The following ANKRD11 variants were observed in gnomAD, a reference collection of about 807,000 sequenced individuals.
ANKRD11 encodes the protein ankyrin repeat domain 11.
In ANKRD11, 17 loss-of-function variants were observed where a neutral mutation model predicts 195.7. That is an observed-to-expected ratio of 0.09 (90% CI 0.06 to 0.13). The LOEUF (loss-of-function observed/expected upper bound fraction) is 0.13. Ranked by LOEUF, ANKRD11 falls within the 10% of genes least tolerant of loss-of-function variation. The pLI, the probability that ANKRD11 is intolerant of heterozygous loss-of-function variation, is 1.00. For missense variants in ANKRD11, 3,735 were observed against 3,566.1 expected, an observed-to-expected ratio of 1.05 and a Z score of -1.21; for synonymous variants, 1,953 against 1,528.1, an observed-to-expected ratio of 1.28 and a Z score of -6.49.
In ANKRD11 at chr16:89,343,702, CA is replaced by C. The variant is rs1224946453; in HGVS notation, c.-59-26625del. 3.3e-5 allele frequency: 5 copies of C among 152,400 alleles called. No homozygotes were observed. The East Asian group carries it at 9.7e-4, about 29-fold the overall frequency. 9.4% of individuals were successfully genotyped at this position (152,400 alleles called of 1,614,324 possible). The stretch of plus-strand genomic sequence containing the variant: ...AATTACCTTCACAGACCACGACTAA[CA>C]GGTTTATTACAGATGAGTCACAGCT... On this transcript the variant is annotated intron_variant, in intron 2 of 12. Coordinates refer to ENST00000301030, the MANE Select transcript of ANKRD11 (RefSeq NM_013275.6).
At chr16:89,469,923 T>C (rs1379160931) in intron 1 of ANKRD11, among the ~76,000 whole-genome samples, 2 of 190 alleles carry the variant, frequency 0.011, no homozygotes, top group Non-Finnish European at 0.019. Flanking sequence ...TTTCTTTTGT[T>C]TTTGACGGAG....
rs2035000424 is a variant in ANKRD11, at chr16:89,290,625, C to A, written c.601G>T (p.Gly201Cys). Residue 201 changes from glycine (G) to cysteine (C), a missense_variant and splice_region_variant, in exon 6 of 13, where the codon GGC (glycine) becomes TGC (cysteine). Physicochemically the swap from Gly to Cys is radical, Grantham distance 159. Transcript: ENST00000301030. ...CCCTTGCCAGGCACAGGGTGCCCAC[C>A]TGCGAAGTCCTTGACGTTGACGTCT... ...GADVNVKDFAGWTALHEACNR... is the reference protein window; with the variant it reads ...GADVNVKDFACWTALHEACNR... The A allele has an allele frequency of 6.2e-7, 1 of 1,612,108 alleles. No individual in the cohort carries two copies. Among genetic ancestry groups the A allele is most frequent in the Admixed American group, 1.7e-5 (1 of 60,004 alleles).
chr16:89,383,597 C>A (rs867633457), intron 2 of ANKRD11, among the ~76,000 whole-genome samples: 20 of 152,326 alleles, frequency 1.3e-4, no homozygotes, highest in African/African-American at 4.8e-4. Context: ...AGCCGAAGAG[C>A]CTCCCATGGT....
chr16:89,398,293 TG>T (rs1345014539), intron 2 of ANKRD11, among the ~76,000 whole-genome samples: 3 of 150,232 alleles, frequency 2.0e-5, no homozygotes, highest in African/African-American at 7.4e-5. Flanking sequence ...CTCAGCACTC[TG>T]GGAGGCTGAC....
chr16:89,432,370 G>A (rs946051089), intron 1 of ANKRD11, among the ~76,000 whole-genome samples: 1 of 151,978 alleles, frequency 6.6e-6, no homozygotes, highest in Non-Finnish European at 1.5e-5. Flanking sequence ...CGCTGTTTGT[G>A]ACCTCAGGAC....
intron 1 of ANKRD11, among the ~76,000 whole-genome samples, chr16:89,469,457 A>C (rs555973669): frequency 6.6e-6 from 1 of 152,080 alleles, no homozygotes; most frequent in East Asian, 2.0e-4. Context: ...TCCTAACCTC[A>C]GGTGATCCAC....
At chr16:89,440,621 G>A (rs938291240) in intron 1 of ANKRD11, among the ~76,000 whole-genome samples, 5 of 152,100 alleles carry the variant, frequency 3.3e-5, no homozygotes, top group African/African-American at 4.8e-5. Flanking sequence ...CTCAAAAGGA[G>A]GGGGAGGAGG....
chr16:89,469,913 TTTC>T (rs557987793), intron 1 of ANKRD11, among the ~76,000 whole-genome samples: 1 of 14,182 alleles, frequency 7.1e-5, no homozygotes, highest in South Asian at 5.0e-3. Flanking sequence ...ACTTTTTCCT[TTTC>T]TTTTGTTTTT....
rs3219947 is a variant in ANKRD11, at chr16:89,426,566, C to CACAA, written c.-144-8199_-144-8198insTTGT. ...ACACACACACACACACACACACACA[C>CACAA]AAATCTGAAATCCTGACCAATGAAG... On this transcript the variant is annotated intron_variant, in intron 1 of 12. Coordinates refer to ENST00000301030, the MANE Select transcript of ANKRD11 (RefSeq NM_013275.6). 8.6e-5 allele frequency among the ~76,000 whole-genome samples: 13 copies of CACAA among 151,296 alleles called. No individual in the cohort carries two copies. The South Asian group carries it at 1.2e-3, about 15-fold the overall frequency.
chr16:89,332,072 G>A (rs1012818181), intron 2 of ANKRD11, among the ~76,000 whole-genome samples: 14 of 152,040 alleles, frequency 9.2e-5, no homozygotes, highest in East Asian at 1.9e-4. Context: ...GGGATCATTC[G>A]ATCCCAGGAG....
At chr16:89,288,959 AACACACAGTGT>A in intron 6 of ANKRD11, 1 of 534,318 alleles carries the variant, frequency 1.9e-6, no homozygotes, top group South Asian at 2.0e-5. Flanking sequence ...GAAATCAGTG[AACACACAGTGT>A]AGTAAACAGC....
chr16:89,463,127 G>A (rs1219733200), intron 1 of ANKRD11, among the ~76,000 whole-genome samples: 2 of 151,550 alleles, frequency 1.3e-5, no homozygotes, highest in South Asian at 2.1e-4. Context: ...CCCCTACTGG[G>A]AAGTGAGGAG....
intron 3 of ANKRD11, among the ~76,000 whole-genome samples, chr16:89,311,963 T>C (rs2151901186): frequency 6.6e-6 from 1 of 152,296 alleles, no homozygotes; most frequent in East Asian, 1.9e-4. Flanking sequence ...GGTGATGCGA[T>C]CTCAGCTCAC....
intron 2 of ANKRD11, among the ~76,000 whole-genome samples, chr16:89,348,580 G>T (rs1342085697): frequency 6.6e-6 from 1 of 152,178 alleles, no homozygotes; most frequent in Non-Finnish European, 1.5e-5. Context: ...GGGACTGAAG[G>T]TTTCTTTGTG....
intron 4 of ANKRD11, chr16:89,301,017 C>A: frequency 1.6e-6 from 1 of 614,266 alleles, no homozygotes; most frequent in South Asian, 1.8e-5. Flanking sequence ...GGAGAAACAG[C>A]GGGGCAGGAG....
chr16:89,441,558 C>G (rs71396915), intron 1 of ANKRD11, among the ~76,000 whole-genome samples: 28,089 of 151,696 alleles, frequency 0.19, 3,248 homozygotes, highest in Non-Finnish European at 0.26. Flanking sequence ...ACGAGGTCAG[C>G]AGATGGAGAC....
intron 6 of ANKRD11, among the ~76,000 whole-genome samples, chr16:89,290,245 C>CAT (rs2034945100): frequency 1.2e-4 from 2 of 16,522 alleles, no homozygotes; most frequent in South Asian, 1.3e-3. Flanking sequence ...AGGGCTCCAG[C>CAT]GGGGGGTAGG....
chr16:89,360,385 C>G (rs2039679554), intron 2 of ANKRD11, among the ~76,000 whole-genome samples: 1 of 152,188 alleles, frequency 6.6e-6, no homozygotes, highest in Admixed American at 6.5e-5. Flanking sequence ...GTGAACATCA[C>G]CATGCCCACT....
At chr16:89,415,061 C>T (rs1026838411) in intron 2 of ANKRD11, among the ~76,000 whole-genome samples, 5 of 151,900 alleles carry the variant, frequency 3.3e-5, no homozygotes, top group African/African-American at 7.3e-5. Context: ...CCTTCCTCCC[C>T]GCTCAGCCTC....
Sources: gnomAD v4.1 joint callset for allele counts (sites outside exome capture counted in the v4.1 genomes callset) on GRCh38, gnomAD v4.1.1 for gene constraint, MANE v1.5 for transcripts, NCBI Gene and HGNC (gene_info 2026-07-23, HGNC 2026-07-21) for gene names.